Variants in KCNA2 observed in about 807,000 individuals in gnomAD.
The protein encoded by KCNA2 is potassium voltage-gated channel subfamily A member 2, also known as potassium channel, voltage gated shaker related subfamily A, member 2.
A neutral mutation model predicts 33.4 loss-of-function variants in KCNA2; 11 were observed. The ratio of observed to expected loss-of-function variants is 0.33; its 90% CI spans 0.21 to 0.55. The LOEUF is 0.55. Among genes scored for constraint, KCNA2 ranks in the 20% least tolerant of loss-of-function variants. KCNA2 has a pLI of 0.93. For missense variants in KCNA2, 291 were observed against 621.6 expected, an observed-to-expected ratio of 0.47 and a Z score of 5.66; for synonymous variants, 222 against 231.3, an observed-to-expected ratio of 0.96 and a Z score of 0.37.
chr1:110,605,047 A>G, intron 2 of KCNA2, 102 bp from the exon 3 acceptor site: 4 of 498,196 alleles, frequency 8.0e-6, no homozygotes, highest in Non-Finnish European at 1.4e-5. Flanking sequence ...GAGTTCAGAC[A>G]CATGATCACC....
chr1:110,595,893 G>C lies in KCNA2; in HGVS notation c.*7390C>G. The C allele has an allele frequency of 1.0e-6, 1 of 985,420 alleles. No homozygotes were observed. Among genetic ancestry groups the C allele is most frequent in the Non-Finnish European group, 1.2e-6 (1 of 829,932 alleles). 61.0% of individuals were successfully genotyped at this position (985,420 alleles called of 1,614,324 possible). A position where few individuals can be genotyped will look rare whatever the true frequency, so the allele number is the denominator to read the frequency against. On this transcript the variant is annotated 3_prime_UTR_variant, in exon 3 of 3. Coordinates refer to ENST00000316361, the MANE Select transcript of KCNA2 (RefSeq NM_004974.4). Reference sequence around the variant, plus strand: ...CCTAGGGCACCACCAATGACAAAGAGAATGCTAAATAGATAAATCCTTTGC... The same window carrying C: ...CCTAGGGCACCACCAATGACAAAGACAATGCTAAATAGATAAATCCTTTGC...
intron 1 of KCNA2, among the ~76,000 whole-genome samples, chr1:110,629,052 T>C (rs1650476462): frequency 6.6e-6 from 1 of 152,214 alleles, no homozygotes. Flanking sequence ...TGTCCCAGGC[T>C]AGATCCCTGA....
rs1271891355 is a variant in KCNA2, at chr1:110,602,212, G to A, written c.*1071C>T. 1.3e-6 allele frequency: 2 copies of A among 1,547,986 alleles called. No individual in the cohort carries two copies. Among genetic ancestry groups the A allele is most frequent in the Non-Finnish European group, 1.7e-6 (2 of 1,146,112 alleles). On this transcript the variant is annotated 3_prime_UTR_variant, in exon 3 of 3. Coordinates refer to ENST00000316361, the MANE Select transcript of KCNA2 (RefSeq NM_004974.4). ...GGATAGGTAGGCTGGGGGGCCAGAAGTTTTAGTTCCATTCCAAATAGTCTA... is the reference window on the plus strand; with the variant it reads ...GGATAGGTAGGCTGGGGGGCCAGAAATTTTAGTTCCATTCCAAATAGTCTA...
chr1:110,602,896 G>A lies in KCNA2; in HGVS notation c.*387C>T, dbSNP rs1035065940. 10 of 1,033,066 alleles carry A rather than the reference G, an allele frequency of 9.7e-6. No homozygotes were observed. The highest frequency in any genetic ancestry group is 1.2e-5 in the Non-Finnish European group (10 of 861,510). The allele number at this position is 1,033,066 out of a possible 1,614,324, so 64.0% of individuals were successfully genotyped here. ...ATTGTGTTCCTCTGTGAAAGGGCAG[G>A]TGGGCTCAAATAAGGTGGTGGGATG... is the stretch of plus-strand genomic sequence containing the variant. On this transcript the variant is annotated 3_prime_UTR_variant, in exon 3 of 3. Transcript: ENST00000316361.
intron 1 of KCNA2, 185 bp downstream of exon 1, chr1:110,606,043 A>C (rs1349592077): frequency 6.6e-6 from 1 of 152,344 alleles, no homozygotes; most frequent in Non-Finnish European, 1.5e-5. Context: ...TCCTACCCCC[A>C]CATGTCAGGA....
intron 1 of KCNA2, among the ~76,000 whole-genome samples, chr1:110,626,132 A>C (rs1259439170): frequency 6.6e-6 from 1 of 152,256 alleles, no homozygotes; most frequent in Non-Finnish European, 1.5e-5. Flanking sequence ...TAAGTATATT[A>C]AAATGACATA....
Position 110,603,207 on chromosome 1 carries a change from C to T in KCNA2, c.*76G>A. The T allele has an allele frequency of 2.0e-6, 3 of 1,531,796 alleles. No individual in the cohort carries two copies. The South Asian group carries it at 4.0e-5, about 20-fold the overall frequency. The allele number at this position is 1,531,796 out of a possible 1,614,324, so 94.9% of individuals were successfully genotyped here. Reference sequence around the variant, plus strand: ...AGAACCAGATACACACTGTAGAACACACTGACTACAATGCAGGCTATTATG... The same window carrying T: ...AGAACCAGATACACACTGTAGAACATACTGACTACAATGCAGGCTATTATG... On this transcript the variant is annotated 3_prime_UTR_variant, in exon 3 of 3. Transcript: ENST00000316361. This position sits in a 1 kb window ranked among gnomAD's most constrained non-coding sequence, Gnocchi z 5.7.
At chr1:110,623,383 C>T (rs961223080) in intron 1 of KCNA2, among the ~76,000 whole-genome samples, 1 of 152,130 alleles carries the variant, frequency 6.6e-6, no homozygotes, top group African/African-American at 2.4e-5. Context: ...AATGTTTTGA[C>T]CTTGTGACCT....
Position 110,604,491 on chromosome 1 carries a change from A to G in KCNA2, c.292T>C (p.Leu98=), listed in dbSNP as rs369845519. ...ILYYYQSGGR[L]RRPVNVPLDI... ...AAGGGCACATTCACAGGTCGCCTCA[A>G]TCGGCCCCCTGACTGGTAGTAGTAC... The change falls in exon 3 of 3, where the codon TTG becomes CTG. Residue 98 remains leucine, a synonymous_variant. Coordinates refer to ENST00000316361, the MANE Select transcript of KCNA2 (RefSeq NM_004974.4). The surrounding 1 kb of genome is among the most constrained non-coding windows in gnomAD (Gnocchi z 7.6). 1.1e-4 allele frequency: 185 copies of G among 1,614,216 alleles called. No homozygotes were observed. The highest frequency in any genetic ancestry group is 1.5e-4 in the Non-Finnish European group (176 of 1,180,030).
rs770310922 is a variant in KCNA2, at chr1:110,598,957, G to A, written c.*4326C>T. ...GTCTCCTGAAAACTCCAAGTTTCTT[G>A]AAAATGAATCCACAGAGGCACTTGA... On this transcript the variant is annotated 3_prime_UTR_variant, in exon 3 of 3. Coordinates refer to ENST00000316361, the MANE Select transcript of KCNA2 (RefSeq NM_004974.4). 36 of 985,262 alleles carry A rather than the reference G, an allele frequency of 3.7e-5. No individual in the cohort carries two copies. The highest frequency in any genetic ancestry group is 4.2e-5 in the Non-Finnish European group (35 of 829,926). The allele number at this position is 985,262 out of a possible 1,614,324, so 61.0% of individuals were successfully genotyped here. A position where few individuals can be genotyped will look rare whatever the true frequency, so the allele number is the denominator to read the frequency against.
Position 110,600,855 on chromosome 1 carries a change from C to T in KCNA2, c.*2428G>A, listed in dbSNP as rs920573136. 8.1e-6 allele frequency: 8 copies of T among 985,348 alleles called. No homozygotes were observed. In the African/African-American group the frequency reaches 1.4e-4, roughly 17 times the overall value. 61.0% of individuals were successfully genotyped at this position (985,348 alleles called of 1,614,324 possible). A position where few individuals can be genotyped will look rare whatever the true frequency, so the allele number is the denominator to read the frequency against. ...GTGGGTGACCAGGCACTAATGAGCACCCTGGGCCTAGCACCCTGAGCTGGT... is the reference window on the plus strand; with the variant it reads ...GTGGGTGACCAGGCACTAATGAGCATCCTGGGCCTAGCACCCTGAGCTGGT... On this transcript the variant is annotated 3_prime_UTR_variant, in exon 3 of 3. Transcript: ENST00000316361.
chr1:110,595,429 C>T lies in KCNA2; in HGVS notation c.*7854G>A, dbSNP rs1649053843. The T allele has an allele frequency of 7.1e-6, 7 of 985,356 alleles. No homozygotes were observed. In the South Asian group the frequency reaches 3.3e-4, roughly 46 times the overall value. The allele number at this position is 985,356 out of a possible 1,614,324, so 61.0% of individuals were successfully genotyped here. ...GTTATGGGCTTCTGCTGCCTGATCA[C>T]AACTAACATAGCCAGACTGGAGGGC... On this transcript the variant is annotated 3_prime_UTR_variant, in exon 3 of 3. Transcript: ENST00000316361.
chr1:110,601,794 ATGTGTGTG>A lies in KCNA2; in HGVS notation c.*1481_*1488del, dbSNP rs35728918. 644 of 840,318 alleles carry A rather than the reference ATGTGTGTG, an allele frequency of 7.7e-4. No homozygotes were observed. Among genetic ancestry groups the A allele is most frequent in the Non-Finnish European group, 7.6e-4 (512 of 673,290 alleles). 52.1% of individuals were successfully genotyped at this position (840,318 alleles called of 1,614,324 possible). A position where few individuals can be genotyped will look rare whatever the true frequency, so the allele number is the denominator to read the frequency against. ...AGAAAATGAATATATATATATATAT[ATGTGTGTG>A]TGTGTGTGTGTGTGTGTGTGTGTGT... is the stretch of plus-strand genomic sequence containing the variant. On this transcript the variant is annotated 3_prime_UTR_variant, in exon 3 of 3. Coordinates refer to ENST00000316361, the MANE Select transcript of KCNA2 (RefSeq NM_004974.4).
At chr1:110,615,124 G>C (rs952255552) in intron 1 of KCNA2, among the ~76,000 whole-genome samples, 3 of 152,294 alleles carry the variant, frequency 2.0e-5, no homozygotes, top group South Asian at 2.1e-4. Flanking sequence ...GGAGTTTCCT[G>C]AAGTTCAACC....
chr1:110,618,635 T>A (rs1197011100), intron 1 of KCNA2, among the ~76,000 whole-genome samples: 2 of 152,088 alleles, frequency 1.3e-5, no homozygotes, highest in Non-Finnish European at 2.9e-5. Context: ...GCACCGAACA[T>A]CATGACTTAG....
upstream of KCNA2, among the ~76,000 whole-genome samples, chr1:110,611,010 G>C (rs1358900060): frequency 6.9e-6 from 1 of 144,762 alleles, no homozygotes; most frequent in East Asian, 2.0e-4. Flanking sequence ...AGGGCTTAAA[G>C]ACAGAATGAG....
At chr1:110,607,329 G>A (rs1372776346), upstream of KCNA2, 1 of 151,208 alleles carries the variant, frequency 6.6e-6, no homozygotes, top group African/African-American at 2.4e-5. Flanking sequence ...GGGCGGCGGC[G>A]GGGTGCGGGC....
In KCNA2 at chr1:110,595,288, A is replaced by G; in HGVS notation, c.*7995T>C. Reference sequence around the variant, plus strand: ...ATATTAGACTATTTTAGGAGTGCAGAGGAGCACAGAAAGTTATATCCATTT... The same window carrying G: ...ATATTAGACTATTTTAGGAGTGCAGGGGAGCACAGAAAGTTATATCCATTT... On this transcript the variant is annotated 3_prime_UTR_variant, in exon 3 of 3. Transcript: ENST00000316361. The G allele has an allele frequency of 1.0e-6, 1 of 985,478 alleles. No individual in the cohort carries two copies. Among genetic ancestry groups the G allele is most frequent in the Non-Finnish European group, 1.2e-6 (1 of 829,944 alleles). 61.0% of individuals were successfully genotyped at this position (985,478 alleles called of 1,614,324 possible).
Position 110,599,690 on chromosome 1 carries a change from G to A in KCNA2, c.*3593C>T. The A allele has an allele frequency of 1.0e-6, 1 of 985,410 alleles. No individual in the cohort carries two copies. The highest frequency in any genetic ancestry group is 1.2e-6 in the Non-Finnish European group (1 of 829,942). The allele number at this position is 985,410 out of a possible 1,614,324, so 61.0% of individuals were successfully genotyped here. On this transcript the variant is annotated 3_prime_UTR_variant, in exon 3 of 3. Transcript: ENST00000316361. ...AATCTGTGGGCTTAGAGAATGTTGG[G>A]GACATCTTTACCCTGGTCCTGGGCT...
Sources: gnomAD v4.1 joint callset for allele counts (sites outside exome capture counted in the v4.1 genomes callset) on GRCh38, gnomAD v4.1.1 for gene constraint, Gnocchi (gnomAD v3.1) non-coding constraint, MANE v1.5 for transcripts, NCBI Gene and HGNC (gene_info 2026-07-23, HGNC 2026-07-21) for gene names.